PRPS1L1: variants seen among roughly 807,000 people sequenced by gnomAD.
PRPS1L1 encodes the protein ribose-phosphate pyrophosphokinase 3.
In PRPS1L1, 12 loss-of-function variants were observed where a neutral mutation model predicts 16.4. The observed-to-expected ratio is 0.73, with a 90% confidence interval of 0.47 to 1.19. The LOEUF is 1.19. PRPS1L1 is among the 50% of genes most tolerant of loss of function. PRPS1L1 has a pLI of 0.00. For missense variants in PRPS1L1, 408 were observed against 395.8 expected, an observed-to-expected ratio of 1.03 and a Z score of -0.26; for synonymous variants, 153 against 142.5, an observed-to-expected ratio of 1.07 and a Z score of -0.53.
rs375048566 is a variant in PRPS1L1, at chr7:18,027,170, T to G, written c.613A>C (p.Ile205Leu). The G allele has an allele frequency of 6.2e-7, 1 of 1,614,256 alleles. No homozygotes were observed. Among genetic ancestry groups the G allele is most frequent in the East Asian group, 2.2e-5 (1 of 44,890 alleles). Residue 205 changes from isoleucine (I) to leucine (L), a missense_variant, in exon 1 of 1, where the codon ATA (isoleucine) becomes CTA (leucine). Coordinates refer to ENST00000506618, the MANE Select transcript of PRPS1L1 (RefSeq NM_175886.3). ...TCATTCACATCTCCCACTAGCACTA[T>G]GCAGTCCACTTCATTGGCCTTCTTC... is the stretch of plus-strand genomic sequence containing the variant.
rs370762913 is a variant in PRPS1L1 at position 18,027,450 on chromosome 7, A to T, written c.333T>A (p.Leu111=). 6.2e-6 allele frequency: 10 copies of T among 1,614,196 alleles called. No individual in the cohort carries two copies. The highest frequency in any genetic ancestry group is 8.5e-6 in the Non-Finnish European group (10 of 1,180,038). Residue 111 remains leucine (L), a synonymous_variant, in exon 1 of 1, where the codon CTT becomes CTA. Transcript: ENST00000506618. ...CTGCTATAGAGAGCATATTTGCAAC[A>T]AGCTTGGCAGAGATTGGGGACCGGC... is the stretch of plus-strand genomic sequence containing the variant.
In PRPS1L1 at chr7:18,027,612, C is replaced by G. The variant is rs756711580; in HGVS notation, c.171G>C (p.Gln57His). 6.2e-7 allele frequency: 1 copy of G among 1,613,990 alleles called. No homozygotes were observed. The highest frequency in any genetic ancestry group is 1.3e-5 in the African/African-American group (1 of 74,930). ...TGTCGTTGATTTCGCCACAACCACT[C>G]TGAACGATGTAGACATCCTCTCCAC... The change falls in exon 1 of 1, where the codon CAG becomes CAC. Residue 57 changes from glutamine (Q) to histidine (H), a missense_variant. Transcript: ENST00000506618.
Position 18,027,745 on chromosome 7 carries a change from T to C in PRPS1L1, c.38A>G (p.Gln13Arg). 6.2e-7 allele frequency: 1 copy of C among 1,614,102 alleles called. No homozygotes were observed. The highest frequency in any genetic ancestry group is 2.2e-5 in the East Asian group (1 of 44,854). ...GTCAGCAATTTTCTGGGATAAGTCC[T>C]GGTGGGAGCTGCCGCTGAAGATTTT... The change falls in exon 1 of 1, where the codon CAG (glutamine) becomes CGG (arginine). Residue 13 changes from glutamine to arginine, a missense_variant. Transcript: ENST00000506618.
chr7:18,027,638 G>A lies in PRPS1L1; in HGVS notation c.145C>T (p.Arg49Cys), dbSNP rs112075478. Residue 49 changes from arginine to cysteine, a missense_variant, in exon 1 of 1, where the codon CGT (arginine) becomes TGT (cysteine). Physicochemically the swap from Arg to Cys is radical, Grantham distance 180. Transcript: ENST00000506618. The stretch of plus-strand genomic sequence containing the variant: ...TGAACGATGTAGACATCCTCTCCAC[G>A]CACACTCTCATCAATTTCCACGCAG... The A allele has an allele frequency of 5.0e-6, 8 of 1,613,956 alleles. No individual in the cohort carries two copies. Among genetic ancestry groups the A allele is most frequent in the Middle Eastern group, 1.6e-4 (1 of 6,062 alleles).
In PRPS1L1 at chr7:18,027,257, T is replaced by G; in HGVS notation, c.526A>C (p.Lys176Gln). 1.2e-6 allele frequency: 2 copies of G among 1,614,234 alleles called. No homozygotes were observed. Among genetic ancestry groups the G allele is most frequent in the Non-Finnish European group, 1.7e-6 (2 of 1,180,044 alleles). Residue 176 changes from lysine to glutamine, a missense_variant, in exon 1 of 1, where the codon AAA becomes CAA. By Grantham distance (53) the Lys-to-Gln change is moderately conservative. Coordinates refer to ENST00000506618, the MANE Select transcript of PRPS1L1 (RefSeq NM_175886.3). Reference sequence around the variant, plus strand: ...TGGTCTGCAATGGAGGTCACTCTTTTAGCTCCACCAGCATCTGGCGAGACA... The same window carrying G: ...TGGTCTGCAATGGAGGTCACTCTTTGAGCTCCACCAGCATCTGGCGAGACA...
In PRPS1L1 at chr7:18,027,634, C is replaced by T; in HGVS notation, c.149G>A (p.Gly50Glu). ...ACTCTGAACGATGTAGACATCCTCTCCACGCACACTCTCATCAATTTCCAC... is the reference window on the plus strand; with the variant it reads ...ACTCTGAACGATGTAGACATCCTCTTCACGCACACTCTCATCAATTTCCAC... Residue 50 changes from glycine (G) to glutamate (E), a missense_variant, in exon 1 of 1, where the codon GGA (glycine) becomes GAA (glutamate). Coordinates refer to ENST00000506618, the MANE Select transcript of PRPS1L1 (RefSeq NM_175886.3). 5 of 1,614,088 alleles carry T rather than the reference C, an allele frequency of 3.1e-6. No individual in the cohort carries two copies. The highest frequency in any genetic ancestry group is 4.2e-6 in the Non-Finnish European group (5 of 1,180,022).
In PRPS1L1 at chr7:18,027,447, A is replaced by G; in HGVS notation, c.336T>C (p.Val112=). 6.2e-7 allele frequency: 1 copy of G among 1,614,076 alleles called. No homozygotes were observed. Among genetic ancestry groups the G allele is most frequent in the Non-Finnish European group, 8.5e-7 (1 of 1,179,936 alleles). ...CACCTGCTATAGAGAGCATATTTGC[A>G]ACAAGCTTGGCAGAGATTGGGGACC... Residue 112 remains valine, a synonymous_variant, in exon 1 of 1, where the codon GTT becomes GTC. Transcript: ENST00000506618.
Position 18,027,242 on chromosome 7 carries a change from T to C in PRPS1L1, c.541A>G (p.Ile181Val), listed in dbSNP as rs1430553990. Residue 181 changes from isoleucine to valine, a missense_variant, in exon 1 of 1, where the codon ATT (isoleucine) becomes GTT (valine). By Grantham distance (29) the Ile-to-Val change is conservative (BLOSUM62 3). Coordinates refer to ENST00000506618, the MANE Select transcript of PRPS1L1 (RefSeq NM_175886.3). ...AAGTCCACATTCAACTGGTCTGCAA[T>C]GGAGGTCACTCTTTTAGCTCCACCA... 3.1e-6 allele frequency: 5 copies of C among 1,614,116 alleles called. 1 individual carries two copies. Among genetic ancestry groups the C allele is most frequent in the South Asian group, 2.2e-5 (2 of 91,094 alleles).
At position 18,026,867 on chromosome 7, in the gene PRPS1L1, C is replaced by G; in HGVS notation, c.916G>C (p.Gly306Arg). 1 of 1,612,070 alleles carries G rather than the reference C, an allele frequency of 6.2e-7. No homozygotes were observed. Among genetic ancestry groups the G allele is most frequent in the South Asian group, 1.1e-5 (1 of 90,762 alleles). ...CTGAACAGGTAGGAAACAGATTCCCCATTATGAGTTCTCCTTATGGCTTCT... is the reference window on the plus strand; with the variant it reads ...CTGAACAGGTAGGAAACAGATTCCCGATTATGAGTTCTCCTTATGGCTTCT... The change falls in exon 1 of 1, where the codon GGG becomes CGG. Residue 306 changes from glycine to arginine, a missense_variant. By Grantham distance (125) the Gly-to-Arg change is moderately radical. Coordinates refer to ENST00000506618, the MANE Select transcript of PRPS1L1 (RefSeq NM_175886.3).
Position 18,027,008 on chromosome 7 carries a change from A to G in PRPS1L1, c.775T>C (p.Ser259Pro), listed in dbSNP as rs1415421149. 6.2e-7 allele frequency: 1 copy of G among 1,614,158 alleles called. No homozygotes were observed. The highest frequency in any genetic ancestry group is 1.7e-5 in the Admixed American group (1 of 60,030). The change falls in exon 1 of 1, where the codon TCT (serine) becomes CCT (proline). Residue 259 changes from serine to proline, a missense_variant. Physicochemically the swap from Ser to Pro is moderately conservative, Grantham distance 74. Coordinates refer to ENST00000506618, the MANE Select transcript of PRPS1L1 (RefSeq NM_175886.3). ...TCAAAGCATGCAGTGTTGATGCGAG[A>G]AATGGCTGGGCCAGAAAAGATTCCA...
chr7:18,027,259 G>C lies in PRPS1L1; in HGVS notation c.524C>G (p.Ala175Gly), dbSNP rs1339697562. 1.9e-6 allele frequency: 3 copies of C among 1,614,028 alleles called. No homozygotes were observed. Among genetic ancestry groups the C allele is most frequent in the Non-Finnish European group, 2.5e-6 (3 of 1,180,042 alleles). The change falls in exon 1 of 1, where the codon GCT (alanine) becomes GGT (glycine). Residue 175 changes from alanine (A) to glycine (G), a missense_variant. Physicochemically the swap from Ala to Gly is moderately conservative, Grantham distance 60 (BLOSUM62 0). Transcript: ENST00000506618. ...GTCTGCAATGGAGGTCACTCTTTTA[G>C]CTCCACCAGCATCTGGCGAGACAAT... is the stretch of plus-strand genomic sequence containing the variant.
Position 18,027,572 on chromosome 7 carries a change from A to G in PRPS1L1, c.211T>C (p.Leu71=). Residue 71 remains leucine, a synonymous_variant, in exon 1 of 1, where the codon TTG becomes CTG. Transcript: ENST00000506618. ...ATCTTGCAGGCATTAATCATGATCA[A>G]AAGCTCCATTAGACTGTCGTTGATT... 2 of 1,614,166 alleles carry G rather than the reference A, an allele frequency of 1.2e-6. No homozygotes were observed. The highest frequency in any genetic ancestry group is 1.7e-6 in the Non-Finnish European group (2 of 1,180,040).
rs867250805 is a variant in PRPS1L1, at chr7:18,027,416, G to C, written c.367C>G (p.His123Asp). 1 of 1,614,084 alleles carries C rather than the reference G, an allele frequency of 6.2e-7. No individual in the cohort carries two copies. The highest frequency in any genetic ancestry group is 8.5e-7 in the Non-Finnish European group (1 of 1,180,030). ...GCATGTAGGTCCATGGTGATGATAT[G>C]ATCCGCACCTGCTATAGAGAGCATA... is the stretch of plus-strand genomic sequence containing the variant. Residue 123 changes from histidine to aspartate, a missense_variant, in exon 1 of 1, where the codon CAT becomes GAT. Coordinates refer to ENST00000506618, the MANE Select transcript of PRPS1L1 (RefSeq NM_175886.3).
In PRPS1L1 at chr7:18,027,657, C is replaced by T. The variant is rs1782210437; in HGVS notation, c.126G>A (p.Val42=). 1 of 1,614,088 alleles carries T rather than the reference C, an allele frequency of 6.2e-7. No homozygotes were observed. Among genetic ancestry groups the T allele is most frequent in the Non-Finnish European group, 8.5e-7 (1 of 1,180,014 alleles). ...CTCCACGCACACTCTCATCAATTTC[C>T]ACGCAGGTCTCCTGGTTGCTGAATT... The change falls in exon 1 of 1, where the codon GTG becomes GTA. Residue 42 remains valine (V), a synonymous_variant. Coordinates refer to ENST00000506618, the MANE Select transcript of PRPS1L1 (RefSeq NM_175886.3).
Sources: gnomAD v4.1 joint callset for allele counts on GRCh38, gnomAD v4.1.1 for gene constraint, MANE v1.5 for transcripts, NCBI Gene and HGNC (gene_info 2026-07-23, HGNC 2026-07-21) for gene names.